The following TASP1 variants were observed in gnomAD, a reference collection of about 807,000 sequenced individuals.
TASP1 encodes threonine aspartase 1.
TASP1 carries 16 observed loss-of-function variants against 56.6 expected under a neutral mutation model. The observed-to-expected ratio is 0.28, with a 90% CI of 0.19 to 0.43. The LOEUF (loss-of-function observed/expected upper bound fraction) is 0.43. Among genes scored for constraint, TASP1 ranks in the 20% least tolerant of loss-of-function variants. The probability of loss-of-function intolerance (pLI) is 1.00; values close to 1 mark genes in which losing one functional copy is unlikely to be tolerated. For synonymous variants in TASP1, 179 were observed against 184.2 expected (o/e 0.97, Z 0.23); for missense variants, 393 against 511.6 (o/e 0.77, Z 2.24).
At chr20:13,286,284 T>G in the TASP1 span, among the ~76,000 whole-genome samples, 1 of 151,792 alleles carries the variant, frequency 6.6e-6, no homozygotes, top group East Asian at 1.9e-4. Context: ...CTGGTGCCCT[T>G]GGGGAGGTGA....
chr20:13,163,317 G>A, the TASP1 span, among the ~76,000 whole-genome samples: 1 of 146,042 alleles, frequency 6.8e-6, no homozygotes, highest in African/African-American at 2.5e-5. Context: ...GCAGTGAGCC[G>A]AGATCATGCC....
At chr20:13,154,391 A>T in the TASP1 span, among the ~76,000 whole-genome samples, 1 of 152,044 alleles carries the variant, frequency 6.6e-6, no homozygotes, top group Non-Finnish European at 1.5e-5. Flanking sequence ...GAAATCACTT[A>T]TCTCCCTCAG....
intron 4 of TASP1, among the ~76,000 whole-genome samples, chr20:13,617,710 G>A (rs1364372039): frequency 1.3e-5 from 2 of 152,164 alleles, no homozygotes; most frequent in Non-Finnish European, 2.9e-5. Context: ...CCTTAAAGCA[G>A]ATGCCCCTCC....
chr20:13,578,983 G>A (rs1601321616), intron 6 of TASP1, among the ~76,000 whole-genome samples: 1 of 152,222 alleles, frequency 6.6e-6, no homozygotes, highest in Middle Eastern at 3.4e-3. Context: ...ATGAGGAGTG[G>A]GGTCAATGGG....
intron 13 of TASP1, among the ~76,000 whole-genome samples, chr20:13,401,272 G>A (rs1243401882): frequency 6.6e-6 from 1 of 151,692 alleles, no homozygotes; most frequent in Non-Finnish European, 1.5e-5. Flanking sequence ...TTTTTTCAAA[G>A]CTGCTATGAT....
the TASP1 span, among the ~76,000 whole-genome samples, chr20:13,240,981 G>A: frequency 6.6e-6 from 1 of 152,196 alleles, no homozygotes; most frequent in Non-Finnish European, 1.5e-5. Flanking sequence ...AAGTGGACAG[G>A]GAGCTGAGAG....
intron 4 of TASP1, among the ~76,000 whole-genome samples, chr20:13,591,770 A>G (rs1346471797): frequency 2.6e-5 from 4 of 152,202 alleles, no homozygotes; most frequent in African/African-American, 4.8e-5. Context: ...TATAACATAT[A>G]CAGGTGCAAA....
At chr20:13,163,932 T>C in the TASP1 span, among the ~76,000 whole-genome samples, 1 of 152,140 alleles carries the variant, frequency 6.6e-6, no homozygotes, top group Non-Finnish European at 1.5e-5. Context: ...ACTTTAAGTT[T>C]TAGGGTACAT....
chr20:13,345,346 G>A, the TASP1 span, among the ~76,000 whole-genome samples: 159 of 152,290 alleles, frequency 1.0e-3, no homozygotes, highest in African/African-American at 3.5e-3. Context: ...GCCTTTGGGT[G>A]CTGGAGTTCA....
chr20:13,259,085 C>T, the TASP1 span, among the ~76,000 whole-genome samples: 1 of 152,122 alleles, frequency 6.6e-6, no homozygotes, highest in African/African-American at 2.4e-5. Context: ...GAGTTCAAGA[C>T]CAGCCTGGCC....
At chr20:13,601,131 T>C (rs967764280) in intron 4 of TASP1, among the ~76,000 whole-genome samples, 1 of 151,880 alleles carries the variant, frequency 6.6e-6, no homozygotes, top group Non-Finnish European at 1.5e-5. Flanking sequence ...ATACAAAAAT[T>C]AGCCAGGTGT....
At chr20:13,604,775 A>G (rs1034587460) in intron 4 of TASP1, among the ~76,000 whole-genome samples, 2 of 152,160 alleles carry the variant, frequency 1.3e-5, no homozygotes. Context: ...TGACAAAACT[A>G]AGTATTGGCA....
At chr20:13,317,858 G>A in the TASP1 span, among the ~76,000 whole-genome samples, 1 of 151,986 alleles carries the variant, frequency 6.6e-6, no homozygotes, top group Non-Finnish European at 1.5e-5. Flanking sequence ...TAACATAGGA[G>A]AAAATCTAGA....
the TASP1 span, among the ~76,000 whole-genome samples, chr20:13,291,305 C>T: frequency 7.9e-5 from 12 of 152,112 alleles, no homozygotes; most frequent in African/African-American, 2.4e-4. Context: ...TGAAGGATTT[C>T]GTTTTTAAGG....
At chr20:13,370,527 T>C in the TASP1 span, among the ~76,000 whole-genome samples, 1 of 151,460 alleles carries the variant, frequency 6.6e-6, no homozygotes, top group African/African-American at 2.5e-5. Flanking sequence ...AAACTGAAAA[T>C]TTTTTCTTTT....
At chr20:13,279,841 T>G in the TASP1 span, 2 of 1,613,786 alleles carry the variant, frequency 1.2e-6, no homozygotes, top group Non-Finnish European at 1.7e-6. Flanking sequence ...CCCCAGGGGG[T>G]GGGACCATAC....
At chr20:13,465,449 C>A (rs906167356) in intron 11 of TASP1, among the ~76,000 whole-genome samples, 2 of 151,982 alleles carry the variant, frequency 1.3e-5, no homozygotes, top group African/African-American at 4.8e-5. Flanking sequence ...AGCAAACATA[C>A]TTTTGGGCAT....
At position 13,423,486 on chromosome 20, in the gene TASP1, A is replaced by C. The variant is rs747619783; in HGVS notation, c.1097-5965T>G. On this transcript the variant is annotated intron_variant, in intron 12 of 13. Coordinates refer to ENST00000337743, the MANE Select transcript of TASP1 (RefSeq NM_017714.3). ...AGAACTTATTAATGTGACATGCTGC[A>C]GTTTAAAAAAAAACACTAGTCTACA... 6.3e-4 allele frequency among the ~76,000 whole-genome samples: 96 copies of C among 152,320 alleles called. 1 individual carries two copies. The highest frequency in any genetic ancestry group is 5.1e-4 in the Non-Finnish European group (35 of 68,030).
chr20:13,445,331 G>A (rs2043368598), intron 11 of TASP1, among the ~76,000 whole-genome samples: 2 of 152,132 alleles, frequency 1.3e-5, no homozygotes, highest in Non-Finnish European at 2.9e-5. Context: ...CTTTTAAAAA[G>A]TTTAACACAG....
Sources: gnomAD v4.1 joint callset for allele counts (sites outside exome capture counted in the v4.1 genomes callset) on GRCh38, gnomAD v4.1.1 for gene constraint, MANE v1.5 for transcripts, NCBI Gene and HGNC (gene_info 2026-07-23, HGNC 2026-07-21) for gene names.